Variants in SAMHD1 observed in about 807,000 individuals in gnomAD.
SAMHD1 encodes the protein SAM and HD domain containing deoxynucleoside triphosphate triphosphohydrolase 1.
Under a neutral mutation model 79.6 loss-of-function variants are expected in SAMHD1, and 54 were observed. The observed-to-expected ratio is 0.68, with a 90% CI of 0.55 to 0.85. The LOEUF is 0.85. Ranked by LOEUF, SAMHD1 falls within the 40% of genes least tolerant of loss-of-function variation. The pLI is 0.00. For missense variants in SAMHD1, 663 were observed against 782.7 expected (o/e 0.85, Z 1.82); for synonymous variants, 260 against 264.1 (o/e 0.98, Z 0.15).
chr20:36,951,601 A>C lies in SAMHD1; in HGVS notation c.43T>G (p.Cys15Gly), dbSNP rs1235922763. 7.4e-6 allele frequency: 12 copies of C among 1,613,974 alleles called. No homozygotes were observed. Among genetic ancestry groups the C allele is most frequent in the Non-Finnish European group, 9.3e-6 (11 of 1,179,998 alleles). Residue 15 changes from cysteine (C) to glycine (G), a missense_variant, in exon 1 of 16, where the codon TGC (cysteine) becomes GGC (glycine). Cys to Gly is a radical substitution (Grantham distance 159, BLOSUM62 -3). Transcript: ENST00000646673. Reference protein sequence around the residue: ...DSEQPSKRPRCDDSPRTPSNT... With the variant: ...DSEQPSKRPRGDDSPRTPSNT... Reference sequence around the variant, plus strand: ...GAGGGGGTTCTCGGGCTGTCATCGCAACGGGGACGCTTGGAGGGCTGCTCG... The same window carrying C: ...GAGGGGGTTCTCGGGCTGTCATCGCCACGGGGACGCTTGGAGGGCTGCTCG...
At chr20:36,918,863 C>T (rs1010002607) in intron 7 of SAMHD1, among the ~76,000 whole-genome samples, 4 of 147,342 alleles carry the variant, frequency 2.7e-5, no homozygotes, top group South Asian at 2.2e-4. Context: ...ATGCCAAGCA[C>T]AGTGGCTCAC....
chr20:36,942,149 C>T (rs551587047), intron 2 of SAMHD1, among the ~76,000 whole-genome samples: 3 of 152,300 alleles, frequency 2.0e-5, no homozygotes, highest in South Asian at 2.1e-4. Context: ...GGCGCAGTGG[C>T]TCACACCTGT....
At chr20:36,927,480 G>A (rs1015276116) in intron 5 of SAMHD1, among the ~76,000 whole-genome samples, 4 of 151,944 alleles carry the variant, frequency 2.6e-5, no homozygotes, top group African/African-American at 9.7e-5. Context: ...ACCACATCCA[G>A]CTAATTTTGT....
intron 2 of SAMHD1, among the ~76,000 whole-genome samples, chr20:36,944,695 G>T (rs2063673316): frequency 6.6e-6 from 1 of 152,098 alleles, no homozygotes; most frequent in Admixed American, 6.6e-5. Context: ...GGGAGTTCGA[G>T]ACCAGCCTGA....
In SAMHD1 at chr20:36,890,396, CT is replaced by C. The variant is rs869132804; in HGVS notation, c.*2535del. 1.4e-5 allele frequency: 2 copies of C among 142,450 alleles called. No homozygotes were observed. Among genetic ancestry groups the C allele is most frequent in the Admixed American group, 7.2e-5 (1 of 13,976 alleles). 8.8% of individuals were successfully genotyped at this position (142,450 alleles called of 1,614,324 possible). On this transcript the variant is annotated 3_prime_UTR_variant, in exon 16 of 16. Transcript: ENST00000646673. ...ATACAAATAGCAAAGATATTTCTTTCTCTTTCTTTCTTTCTTTCTTTCTTTT... is the reference window on the plus strand; with the variant it reads ...ATACAAATAGCAAAGATATTTCTTTCCTTTCTTTCTTTCTTTCTTTCTTTT...
chr20:36,917,219 G>A, intron 7 of SAMHD1, 170 bp from the exon 8 acceptor site: 2 of 632,570 alleles, frequency 3.2e-6, no homozygotes, highest in Admixed American at 5.6e-5. Context: ...TTCAAAACTA[G>A]TAGAAAGGGA....
At chr20:36,946,167 C>T (rs2063684624) in intron 2 of SAMHD1, among the ~76,000 whole-genome samples, 2 of 151,988 alleles carry the variant, frequency 1.3e-5, no homozygotes, top group Admixed American at 6.6e-5. Flanking sequence ...AATTCCAGCA[C>T]TCTGGGAGGC....
intron 9 of SAMHD1, chr20:36,916,489 A>C (rs536618839): frequency 6.9e-5 from 31 of 450,234 alleles, no homozygotes; most frequent in Middle Eastern, 6.7e-4. Flanking sequence ...GCAACCAACC[A>C]AACAAAAAAA....
chr20:36,943,455 A>G lies in SAMHD1; in HGVS notation c.276-2344T>C, dbSNP rs145840905. The stretch of plus-strand genomic sequence containing the variant: ...TATACAGAACAATACAGCTCTAAGG[A>G]GTCCTACAGAATTTGAGTTATGAGG... On this transcript the variant is annotated intron_variant, in intron 2 of 15. Coordinates refer to ENST00000646673, the MANE Select transcript of SAMHD1 (RefSeq NM_015474.4). Among the ~76,000 whole-genome samples, 1,033 of 152,320 alleles carry G rather than the reference A, an allele frequency of 6.8e-3. 11 individuals are homozygous for G. Among genetic ancestry groups the G allele is most frequent in the African/African-American group, 0.021 (861 of 41,568 alleles).
intron 1 of SAMHD1, among the ~76,000 whole-genome samples, chr20:36,947,925 G>A (rs2146154074): frequency 6.6e-6 from 1 of 152,082 alleles, no homozygotes; most frequent in Non-Finnish European, 1.5e-5. Context: ...TCCCACACTG[G>A]CCTCCCAAAG....
At chr20:36,951,262 G>C (rs1423323981) in intron 1 of SAMHD1, among the ~76,000 whole-genome samples, 174 bp downstream of exon 1, 1 of 152,070 alleles carries the variant, frequency 6.6e-6, no homozygotes, top group African/African-American at 2.4e-5. Context: ...TCCCTCCCCC[G>C]CCTCGGGTCT....
chr20:36,913,362 G>A (rs2063456683), intron 9 of SAMHD1, among the ~76,000 whole-genome samples: 1 of 151,464 alleles, frequency 6.6e-6, no homozygotes, highest in African/African-American at 2.4e-5. Context: ...CCAGCACTTT[G>A]GGAGGCCGAG....
At chr20:36,933,591 G>A (rs538217026) in intron 4 of SAMHD1, among the ~76,000 whole-genome samples, 112 of 152,094 alleles carry the variant, frequency 7.4e-4, no homozygotes, top group Non-Finnish European at 1.4e-3. Flanking sequence ...TTGGCCTCCC[G>A]GGTTCAAGCT....
At chr20:36,912,232 A>G (rs2063444880) in intron 10 of SAMHD1, 15 of 517,340 alleles carry the variant, frequency 2.9e-5, no homozygotes, top group South Asian at 2.5e-4. Flanking sequence ...TCTTCCCTTC[A>G]TCTGCCCCTT....
chr20:36,931,568 T>C lies in SAMHD1; in HGVS notation c.510-693A>G, dbSNP rs532498833. 1.9e-3 allele frequency among the ~76,000 whole-genome samples: 287 copies of C among 151,902 alleles called. 1 individual carries two copies. The highest frequency in any genetic ancestry group is 6.4e-3 in the African/African-American group (267 of 41,426). On this transcript the variant is annotated intron_variant, in intron 4 of 15. Coordinates refer to ENST00000646673, the MANE Select transcript of SAMHD1 (RefSeq NM_015474.4). ...AGGAGAATTGCTTGAACCCAAGAGG[T>C]ACAGGTTGCAGTGAGCCGAGATCTT...
At chr20:36,914,099 A>G in intron 9 of SAMHD1, among the ~76,000 whole-genome samples, 1 of 150,760 alleles carries the variant, frequency 6.6e-6, no homozygotes, top group East Asian at 1.9e-4. Flanking sequence ...TTTTGATTAC[A>G]TGACTGCCAT....
chr20:36,918,854 T>C (rs188475440), intron 7 of SAMHD1, among the ~76,000 whole-genome samples: 1 of 147,700 alleles, frequency 6.8e-6, no homozygotes, highest in Admixed American at 6.8e-5. Flanking sequence ...AAAGAATTTA[T>C]GCCAAGCACA....
At chr20:36,904,319 C>T (rs1305910684) in intron 12 of SAMHD1, 70 bp from the exon 13 acceptor site, 2 of 1,084,670 alleles carry the variant, frequency 1.8e-6, no homozygotes, top group African/African-American at 3.1e-5. Flanking sequence ...AACAGGTTCT[C>T]TTTATGAAAA....
chr20:36,926,990 C>T (rs1003314241), intron 6 of SAMHD1, 192 bp downstream of exon 6: 6 of 550,202 alleles, frequency 1.1e-5, no homozygotes, highest in Admixed American at 3.3e-5. Context: ...AGGGAGATAA[C>T]GATAACTTCC....
Sources: gnomAD v4.1 joint callset for allele counts (sites outside exome capture counted in the v4.1 genomes callset) on GRCh38, gnomAD v4.1.1 for gene constraint, MANE v1.5 for transcripts, NCBI Gene and HGNC (gene_info 2026-07-23, HGNC 2026-07-21) for gene names.